The following COL18A1 variants were observed in gnomAD, a reference collection of about 807,000 sequenced individuals.
The protein encoded by COL18A1 is collagen type XVIII alpha 1 chain, also known as collagen alpha-1(XVIII) chain.
In COL18A1, 133 loss-of-function variants were observed where a neutral mutation model predicts 168.0. That is an observed-to-expected ratio of 0.79 (90% confidence interval 0.69 to 0.91). The LOEUF is 0.91. COL18A1 is among the 40% of genes least tolerant of loss of function. The pLI, the probability that COL18A1 is intolerant of heterozygous loss-of-function variation, is 0.00. For synonymous variants in COL18A1, 949 were observed against 809.0 expected (o/e 1.17, Z -2.94); for missense variants, 2,126 against 1,925.4 (o/e 1.10, Z -1.95).
intron 9 of COL18A1, among the ~76,000 whole-genome samples, chr21:45,479,630 C>T (rs2035822261): frequency 6.6e-6 from 1 of 152,022 alleles, no homozygotes; most frequent in Non-Finnish European, 1.5e-5. Context: ...TATGTAACAC[C>T]CAAGCACCAG....
intron 2 of COL18A1, among the ~76,000 whole-genome samples, chr21:45,461,423 A>G (rs1020767632): frequency 4.0e-5 from 6 of 150,944 alleles, no homozygotes; most frequent in Non-Finnish European, 7.4e-5. Flanking sequence ...ATTGCACCCC[A>G]CTCTGTGCAT....
chr21:45,434,498 A>G (rs1004291239), intron 2 of COL18A1, among the ~76,000 whole-genome samples: 12 of 151,906 alleles, frequency 7.9e-5, no homozygotes, highest in African/African-American at 2.9e-4. Context: ...AGAGGCTGGG[A>G]CTCCCTGCCT....
intron 38 of COL18A1, among the ~76,000 whole-genome samples, 160 bp downstream of exon 38, chr21:45,507,753 CA>C (rs1396504148): frequency 1.3e-5 from 2 of 152,212 alleles, no homozygotes; most frequent in African/African-American, 2.4e-5. Flanking sequence ...CAGGACACCC[CA>C]CTACCTCTGT....
At chr21:45,484,067 CTT>C (rs2035997384) in intron 15 of COL18A1, among the ~76,000 whole-genome samples, 1 of 126,184 alleles carries the variant, frequency 7.9e-6, no homozygotes, top group Admixed American at 7.6e-5. Flanking sequence ...CACACACACA[CTT>C]CTCCAGCATA....
intron 7 of COL18A1, 88 bp downstream of exon 7, chr21:45,477,575 C>G: frequency 2.2e-6 from 3 of 1,352,718 alleles, no homozygotes; most frequent in South Asian, 2.5e-5. Flanking sequence ...CCTGATGAAG[C>G]CCCTCTGTGC....
At chr21:45,405,906 C>T (rs2033089918) in intron 2 of COL18A1, among the ~76,000 whole-genome samples, 1 of 151,934 alleles carries the variant, frequency 6.6e-6, no homozygotes, top group South Asian at 2.1e-4. Context: ...CGTTTCCAAC[C>T]TGTTGAGGCT....
intron 13 of COL18A1, among the ~76,000 whole-genome samples, chr21:45,481,718 G>A (rs2035902585): frequency 6.6e-6 from 1 of 152,244 alleles, no homozygotes; most frequent in African/African-American, 2.4e-5. Flanking sequence ...CAGCCCTGGT[G>A]TGCAAGCATC....
intron 2 of COL18A1, among the ~76,000 whole-genome samples, chr21:45,449,325 T>C (rs1236273598): frequency 2.0e-5 from 3 of 152,122 alleles, no homozygotes; most frequent in Non-Finnish European, 4.4e-5. Context: ...TTGGCATTAA[T>C]TTAGGAGCCA....
intron 19 of COL18A1, 32 bp downstream of exon 19, chr21:45,489,553 C>A: frequency 1.3e-6 from 2 of 1,532,142 alleles, no homozygotes; most frequent in Non-Finnish European, 1.8e-6. Flanking sequence ...AGGGACGTGG[C>A]CAGGCAGAGG....
At chr21:45,493,435 G>A (rs2036427964) in intron 25 of COL18A1, 66 bp from the exon 26 acceptor site, 2 of 1,453,982 alleles carry the variant, frequency 1.4e-6, no homozygotes, top group East Asian at 4.9e-5. Flanking sequence ...CTGCCTTCGG[G>A]GCTCTGGGTG....
rs776670740 is a variant in COL18A1 at position 45,497,114 on chromosome 21, C to G, written c.2620+22C>G. The G allele has an allele frequency of 2.6e-6, 4 of 1,511,060 alleles. No individual in the cohort carries two copies. The South Asian group carries it at 4.5e-5, about 17-fold the overall frequency. The allele number at this position is 1,511,060 out of a possible 1,614,324, so 93.6% of individuals were successfully genotyped here. A position where few individuals can be genotyped will look rare whatever the true frequency, so the allele number is the denominator to read the frequency against. ...CCAGGTGAGGGTCCTGGGCTCACAGCTGGGGACACAGGCTCTGAAGGGATG... is the reference window on the plus strand; with the variant it reads ...CCAGGTGAGGGTCCTGGGCTCACAGGTGGGGACACAGGCTCTGAAGGGATG... On this transcript the variant is annotated intron_variant, in intron 31 of 41. Coordinates refer to ENST00000651438, the MANE Select transcript of COL18A1 (RefSeq NM_001379500.1).
chr21:45,405,190 A>C lies in COL18A1; in HGVS notation c.-41A>C. On this transcript the variant is annotated 5_prime_UTR_variant, in exon 1 of 42. Coordinates refer to ENST00000651438, the MANE Select transcript of COL18A1 (RefSeq NM_001379500.1). ...GGTCCGAGCGGGTGCACCGCGGCGG[A>C]GGAGGCAGCATCCCGCGGCGCTGAC... 5.1e-6 allele frequency: 1 copy of C among 194,666 alleles called. No homozygotes were observed. Among genetic ancestry groups the C allele is most frequent in the Non-Finnish European group, 9.1e-6 (1 of 109,424 alleles). 12.1% of individuals were successfully genotyped at this position (194,666 alleles called of 1,614,324 possible).
At chr21:45,509,061 G>A (rs141827915) in intron 38 of COL18A1, among the ~76,000 whole-genome samples, 2,537 of 152,218 alleles carry the variant, frequency 0.017, 39 homozygotes, top group South Asian at 0.035. Context: ...AATTGGAGCC[G>A]CGGCAAAGGA....
intron 16 of COL18A1, 124 bp downstream of exon 16, chr21:45,487,116 C>T: frequency 1.0e-6 from 1 of 976,632 alleles, no homozygotes. Context: ...GGCACTGCCT[C>T]ATCCTGGGAT....
intron 2 of COL18A1, among the ~76,000 whole-genome samples, chr21:45,413,611 C>T (rs2033361614): frequency 6.6e-6 from 1 of 152,182 alleles, no homozygotes; most frequent in South Asian, 2.1e-4. Flanking sequence ...GTTCAGAGAA[C>T]ATCCGCTTCC....
At chr21:45,495,530 A>G (rs528426988) in intron 29 of COL18A1, 98 bp downstream of exon 29, 3 of 1,012,324 alleles carry the variant, frequency 3.0e-6, no homozygotes, top group African/African-American at 3.2e-5. Context: ...CCCAGAGGCC[A>G]CTTATAAGCA....
rs148843007 is a variant in COL18A1 at position 45,466,213 on chromosome 21, T to C, written c.107-2029T>C. 7.4e-4 allele frequency among the ~76,000 whole-genome samples: 113 copies of C among 152,254 alleles called. 3 individuals are homozygous for C. In the East Asian group the frequency reaches 0.018, roughly 24 times the overall value. The stretch of plus-strand genomic sequence containing the variant: ...GGGGCGGGGACGTTCCACACTGGTG[T>C]GAGAACAGCGGAGAGTCCCAGCCAG... On this transcript the variant is annotated intron_variant, in intron 2 of 41. Coordinates refer to ENST00000651438, the MANE Select transcript of COL18A1 (RefSeq NM_001379500.1).
At chr21:45,416,740 C>T (rs1020567679) in intron 2 of COL18A1, among the ~76,000 whole-genome samples, 3 of 152,168 alleles carry the variant, frequency 2.0e-5, no homozygotes, top group Non-Finnish European at 4.4e-5. Context: ...TCCAGAGGTG[C>T]AGCCTCTACT....
At position 45,498,404 on chromosome 21, in the gene COL18A1, G is replaced by A. The variant is rs560781871; in HGVS notation, c.2683+743G>A. On this transcript the variant is annotated intron_variant, in intron 32 of 41. Transcript: ENST00000651438. The surrounding 1 kb of genome is among the most constrained non-coding windows in gnomAD (Gnocchi z 4.5). ...CTCGCCGCCAGGGTCCCCTCTCGCC[G>A]CCAGGGTCCCCTCTCGCCGCCACGG... is the stretch of plus-strand genomic sequence containing the variant. The A allele has an allele frequency of 3.0e-4, 206 of 684,362 alleles. 1 individual carries two copies. The East Asian group carries it at 4.7e-3, about 16-fold the overall frequency. 42.4% of individuals were successfully genotyped at this position (684,362 alleles called of 1,614,324 possible). A position where few individuals can be genotyped will look rare whatever the true frequency, so the allele number is the denominator to read the frequency against.
Sources: allele counts gnomAD v4.1 joint callset (sites outside exome capture counted in the v4.1 genomes callset), GRCh38; gene constraint gnomAD v4.1.1; non-coding constraint Gnocchi (gnomAD v3.1); transcripts MANE v1.5; gene names NCBI Gene and HGNC (gene_info 2026-07-23, HGNC 2026-07-21).